RBFOX1: variants seen among roughly 807,000 people sequenced by gnomAD.
The protein encoded by RBFOX1 is RNA binding fox-1 homolog 1.
In RBFOX1, 8 loss-of-function variants were observed where a neutral mutation model predicts 57.7. The ratio of observed to expected loss-of-function variants is 0.14; its 90% CI spans 0.08 to 0.25. RBFOX1 has a LOEUF of 0.25. Ranked by LOEUF, RBFOX1 falls within the 10% of genes least tolerant of loss-of-function variation. The pLI, the probability that RBFOX1 is intolerant of heterozygous loss-of-function variation, is 1.00. For missense variants in RBFOX1, 611 were observed against 548.5 expected, an observed-to-expected ratio of 1.11 and a Z score of -1.14; for synonymous variants, 326 against 222.4, an observed-to-expected ratio of 1.47 and a Z score of -4.15.
At chr16:6,918,942 C>G (rs1453138966) in intron 3 of RBFOX1, among the ~76,000 whole-genome samples, 3 of 152,050 alleles carry the variant, frequency 2.0e-5, no homozygotes, top group African/African-American at 7.2e-5. Flanking sequence ...GGTCCTATTT[C>G]AAACACCATT....
At chr16:7,045,651 A>G (rs2047655548) in intron 3 of RBFOX1, among the ~76,000 whole-genome samples, 1 of 146,264 alleles carries the variant, frequency 6.8e-6, no homozygotes, top group Non-Finnish European at 1.5e-5. Context: ...CTTGTTATAT[A>G]CTTTTTTTTT....
At chr16:7,345,087 A>C (rs1039435841) in intron 4 of RBFOX1, among the ~76,000 whole-genome samples, 3 of 152,146 alleles carry the variant, frequency 2.0e-5, no homozygotes, top group East Asian at 1.9e-4. Context: ...TCTATTTTCA[A>C]GACCTTTATT....
intron 1 of RBFOX1, among the ~76,000 whole-genome samples, chr16:6,095,570 A>G (rs2096235110): frequency 6.6e-6 from 1 of 152,228 alleles, no homozygotes; most frequent in Non-Finnish European, 1.5e-5. Flanking sequence ...CCATTCATCT[A>G]GGAAGGCAGA....
intron 3 of RBFOX1, among the ~76,000 whole-genome samples, chr16:6,859,108 A>AGT (rs1177105864): frequency 0.013 from 653 of 50,150 alleles, 34 homozygotes; most frequent in African/African-American, 0.072. Context: ...TCCTAAAAAA[A>AGT]GTGTATATAT....
intron 4 of RBFOX1, among the ~76,000 whole-genome samples, chr16:7,062,093 T>C (rs1477978618): frequency 6.6e-6 from 1 of 151,948 alleles, no homozygotes; most frequent in Non-Finnish European, 1.5e-5. Flanking sequence ...TGAGGTGGGC[T>C]GATCAGCAGG....
At chr16:5,944,964 T>TAAAAAA (rs386384118) in intron 4 of RBFOX1, among the ~76,000 whole-genome samples, 7 of 48,048 alleles carry the variant, frequency 1.5e-4, no homozygotes, top group East Asian at 9.3e-4. Context: ...GACTCTGTCA[T>TAAAAAA]AAAAAAAAAA....
At chr16:5,973,406 G>T (rs1257201628) in intron 4 of RBFOX1, among the ~76,000 whole-genome samples, 1 of 152,182 alleles carries the variant, frequency 6.6e-6, no homozygotes, top group South Asian at 2.1e-4. Flanking sequence ...ATCATAGTTA[G>T]TATGTCTTGC....
intron 4 of RBFOX1, among the ~76,000 whole-genome samples, chr16:7,245,690 G>C (rs1356245533): frequency 6.6e-6 from 1 of 152,192 alleles, no homozygotes; most frequent in African/African-American, 2.4e-5. Flanking sequence ...TTTGTTGAAA[G>C]ATGTTTGCCT....
At chr16:6,943,538 C>G (rs948670713) in intron 3 of RBFOX1, among the ~76,000 whole-genome samples, 11 of 152,028 alleles carry the variant, frequency 7.2e-5, no homozygotes, top group Non-Finnish European at 1.0e-4. Context: ...GAAACCCCAT[C>G]TCTACTAAAA....
chr16:5,878,662 T>C (rs565201302), intron 4 of RBFOX1, among the ~76,000 whole-genome samples: 3 of 152,194 alleles, frequency 2.0e-5, no homozygotes, highest in African/African-American at 7.2e-5. Context: ...AGGGCTGATA[T>C]CCCACTTACC....
intron 2 of RBFOX1, among the ~76,000 whole-genome samples, chr16:6,490,424 C>G (rs932626061): frequency 6.6e-6 from 1 of 152,166 alleles, no homozygotes; most frequent in Non-Finnish European, 1.5e-5. Context: ...TTGAAAATGT[C>G]TCACATCTCG....
intron 4 of RBFOX1, among the ~76,000 whole-genome samples, chr16:7,111,767 T>A (rs940269166): frequency 9.2e-5 from 14 of 151,520 alleles, no homozygotes; most frequent in Admixed American, 2.0e-4. Flanking sequence ...TTTTTTTTTT[T>A]TATCTTCAAG....
At position 7,112,536 on chromosome 16, in the gene RBFOX1, C is replaced by T. The variant is rs369917872; in HGVS notation, c.27+60438C>T. 2.8e-4 allele frequency among the ~76,000 whole-genome samples: 43 copies of T among 152,128 alleles called. No individual in the cohort carries two copies. In the South Asian group the frequency reaches 8.9e-3, roughly 32 times the overall value. ...AAACATTCTTTTAACATATATTGTC[C>T]ATCAAGTCAGAACCTTTAATAGCTC... On this transcript the variant is annotated intron_variant, in intron 4 of 15. Coordinates refer to ENST00000550418, the MANE Select transcript of RBFOX1 (RefSeq NM_018723.4).
At chr16:6,780,324 T>C (rs1464704545) in intron 3 of RBFOX1, among the ~76,000 whole-genome samples, 1 of 79,776 alleles carries the variant, frequency 1.3e-5, no homozygotes, top group Non-Finnish European at 2.0e-5. Flanking sequence ...TATTCATATT[T>C]ATATATATTT....
intron 1 of RBFOX1, among the ~76,000 whole-genome samples, chr16:6,161,117 A>G (rs2096875520): frequency 6.6e-6 from 1 of 152,186 alleles, no homozygotes. Flanking sequence ...GGCTGGGCAC[A>G]GTGACTCATG....
At chr16:6,782,648 T>C (rs1424369096) in intron 3 of RBFOX1, among the ~76,000 whole-genome samples, 1 of 152,216 alleles carries the variant, frequency 6.6e-6, no homozygotes, top group African/African-American at 2.4e-5. Flanking sequence ...CGGCCTAACA[T>C]ATGGTCTACC....
chr16:5,807,468 G>C (rs1324676234), intron 3 of RBFOX1, among the ~76,000 whole-genome samples: 1 of 152,128 alleles, frequency 6.6e-6, no homozygotes, highest in Non-Finnish European at 1.5e-5. Flanking sequence ...GCTAATTTTG[G>C]TTACTATTAA....
chr16:6,890,488 C>T (rs1213632790), intron 3 of RBFOX1, among the ~76,000 whole-genome samples: 2 of 151,718 alleles, frequency 1.3e-5, no homozygotes, highest in South Asian at 2.1e-4. Flanking sequence ...CATGGCACTC[C>T]AGCCTGGGCA....
At chr16:6,742,671 C>G (rs749022405) in intron 3 of RBFOX1, among the ~76,000 whole-genome samples, 2 of 152,112 alleles carry the variant, frequency 1.3e-5, no homozygotes, top group South Asian at 2.1e-4. Flanking sequence ...AATGAACTAT[C>G]GATATACACA....
Sources: allele counts gnomAD v4.1 joint callset (sites outside exome capture counted in the v4.1 genomes callset), GRCh38; gene constraint gnomAD v4.1.1; transcripts MANE v1.5; gene names NCBI Gene and HGNC (gene_info 2026-07-23, HGNC 2026-07-21).